Variants in SLC6A16 observed in about 807,000 individuals in gnomAD.
SLC6A16 encodes the protein solute carrier family 6 member 16.
A neutral mutation model predicts 65.4 loss-of-function variants in SLC6A16; 54 were observed. The observed-to-expected ratio is 0.83, with a 90% CI of 0.66 to 1.04. SLC6A16 has a LOEUF of 1.04. SLC6A16 is among the 50% of genes least tolerant of loss of function. The pLI, the probability that SLC6A16 is intolerant of heterozygous loss-of-function variation, is 0.00. For synonymous variants in SLC6A16, 330 were observed against 346.5 expected, an observed-to-expected ratio of 0.95 and a Z score of 0.53; for missense variants, 816 against 914.0, an observed-to-expected ratio of 0.89 and a Z score of 1.38.
the SLC6A16 span, among the ~76,000 whole-genome samples, chr19:49,332,623 T>C: frequency 0.05 from 7,563 of 152,276 alleles, 287 homozygotes; most frequent in South Asian, 0.11. Flanking sequence ...ATGCAGTATC[T>C]TGAGATCCTG....
At chr19:49,306,192 G>A (rs1011635994) in intron 7 of SLC6A16, 4 of 152,088 alleles carry the variant, frequency 2.6e-5, no homozygotes, top group African/African-American at 9.7e-5. Context: ...CAGCTACTTG[G>A]GAGGCTGAGG....
chr19:49,312,624 G>C (rs999428706), intron 1 of SLC6A16: 6 of 897,330 alleles, frequency 6.7e-6, no homozygotes, highest in Non-Finnish European at 2.7e-6. Context: ...AAAAAAAAAA[G>C]TTACATGAAA....
chr19:49,323,348 G>A (rs1809148352), intron 1 of SLC6A16, among the ~76,000 whole-genome samples: 1 of 151,532 alleles, frequency 6.6e-6, no homozygotes, highest in Non-Finnish European at 1.5e-5. Context: ...AGCAACAAAA[G>A]AAGAAACAAA....
chr19:49,319,637 C>T, intron 1 of SLC6A16, among the ~76,000 whole-genome samples: 1 of 151,866 alleles, frequency 6.6e-6, no homozygotes, highest in East Asian at 1.9e-4. Flanking sequence ...TAATACCCCA[C>T]TACGAACAAT....
At chr19:49,330,517 C>G in the SLC6A16 span, among the ~76,000 whole-genome samples, 1 of 151,964 alleles carries the variant, frequency 6.6e-6, no homozygotes, top group African/African-American at 2.4e-5. Context: ...GGAGAACCAG[C>G]CAGTGAAGAA....
intron 7 of SLC6A16, among the ~76,000 whole-genome samples, chr19:49,304,845 A>G (rs1269749471): frequency 6.6e-6 from 1 of 152,186 alleles, no homozygotes; most frequent in Non-Finnish European, 1.5e-5. Flanking sequence ...TTGACCACAC[A>G]TTTTGCTTTA....
At chr19:49,303,715 A>C (rs1188921030) in intron 7 of SLC6A16, among the ~76,000 whole-genome samples, 1 of 152,068 alleles carries the variant, frequency 6.6e-6, no homozygotes, top group Non-Finnish European at 1.5e-5. Flanking sequence ...GGTCTCATCT[A>C]ACGCCCTTCA....
chr19:49,295,834 A>C (rs1228904854), intron 7 of SLC6A16, among the ~76,000 whole-genome samples: 1 of 152,198 alleles, frequency 6.6e-6, no homozygotes, highest in African/African-American at 2.4e-5. Context: ...TCCCCTCTTA[A>C]ATCTGACACT....
At chr19:49,326,809 A>G (rs1311319366), upstream of SLC6A16, among the ~76,000 whole-genome samples, 1 of 151,994 alleles carries the variant, frequency 6.6e-6, no homozygotes, top group East Asian at 1.9e-4. Flanking sequence ...ACATGAGGCC[A>G]GGAGTTCAAG....
upstream of SLC6A16, among the ~76,000 whole-genome samples, chr19:49,329,261 G>A (rs150540369): frequency 1.3e-3 from 204 of 151,990 alleles, no homozygotes; most frequent in African/African-American, 4.7e-3. Flanking sequence ...GCTAATTTTT[G>A]TATTTTTAGT....
chr19:49,338,167 C>T, the SLC6A16 span: 4 of 1,453,038 alleles, frequency 2.8e-6, no homozygotes, highest in African/African-American at 1.4e-5. The surrounding 1 kb of genome is among the most constrained non-coding windows in gnomAD (Gnocchi z 5.0). Flanking sequence ...CCCGACGCTC[C>T]CCACTCCCCA....
At chr19:49,293,066 T>G (rs1003701627) in intron 10 of SLC6A16, 157 bp downstream of exon 10, 3 of 624,280 alleles carry the variant, frequency 4.8e-6, no homozygotes, top group Non-Finnish European at 8.1e-6. Flanking sequence ...CCAAAATATA[T>G]GTGAAAATGG....
chr19:49,334,543 G>A, the SLC6A16 span, among the ~76,000 whole-genome samples: 1 of 145,106 alleles, frequency 6.9e-6, no homozygotes, highest in Admixed American at 6.9e-5. Flanking sequence ...GCCAGAAGCA[G>A]AGAGAGGCCA....
At position 49,293,222 on chromosome 19, in the gene SLC6A16, C is replaced by A. The variant is rs751736003; in HGVS notation, c.1778+1G>T. 2.5e-6 allele frequency: 4 copies of A among 1,614,056 alleles called. No homozygotes were observed. Among genetic ancestry groups the A allele is most frequent in the Non-Finnish European group, 3.4e-6 (4 of 1,179,972 alleles). On this transcript the variant is annotated splice_donor_variant, in intron 10 of 11. Transcript: ENST00000335875. LOFTEE classifies it high-confidence loss of function. ...GTGAGAACCTGGGCTTAGGACATCA[C>A]CTCCTGGCCCCATAGGCCCAGGATA...
At chr19:49,336,048 C>T in the SLC6A16 span, 1 of 526,360 alleles carries the variant, frequency 1.9e-6, no homozygotes. Context: ...CCCCCACAAA[C>T]CTTCCCCTCG....
At chr19:49,298,550 G>A (rs549199526) in intron 7 of SLC6A16, among the ~76,000 whole-genome samples, 11 of 152,132 alleles carry the variant, frequency 7.2e-5, no homozygotes, top group Non-Finnish European at 1.5e-4. Context: ...AAGACAAAAA[G>A]CAACAGATGT....
the SLC6A16 span, chr19:49,337,895 T>TAA: frequency 6.2e-7 from 1 of 1,613,220 alleles, no homozygotes; most frequent in African/African-American, 1.3e-5. Context: ...GCGGGGAAGA[T>TAA]AAGGCCCAGC....
chr19:49,290,813 C>A, intron 10 of SLC6A16, 46 bp from the exon 11 acceptor site: 2 of 1,529,442 alleles, frequency 1.3e-6, no homozygotes, highest in East Asian at 2.4e-5. Flanking sequence ...TAGGCCTCAC[C>A]ACCTTGGAGG....
intron 1 of SLC6A16, among the ~76,000 whole-genome samples, chr19:49,318,905 G>A (rs1555777729): frequency 7.0e-6 from 1 of 143,530 alleles, no homozygotes; most frequent in Admixed American, 7.0e-5. Context: ...TAGAGACAGG[G>A]TTTTGCCATG....
Sources: gnomAD v4.1 joint callset for allele counts (sites outside exome capture counted in the v4.1 genomes callset) on GRCh38, gnomAD v4.1.1 for gene constraint, Gnocchi (gnomAD v3.1) non-coding constraint, MANE v1.5 for transcripts, NCBI Gene and HGNC (gene_info 2026-07-23, HGNC 2026-07-21) for gene names.